ALDH1L2: variants seen among roughly 807,000 people sequenced by gnomAD.
ALDH1L2 encodes the protein aldehyde dehydrogenase 1 family member L2.
In ALDH1L2, 91 loss-of-function variants were observed where a neutral mutation model predicts 111.0. The observed-to-expected ratio is 0.82, with a 90% CI of 0.69 to 0.98. ALDH1L2 has a LOEUF of 0.98. ALDH1L2 is among the 50% of genes least tolerant of loss of function. The probability of loss-of-function intolerance (pLI) is 0.00; values close to 1 mark genes in which losing one functional copy is unlikely to be tolerated. For missense variants in ALDH1L2, 995 were observed against 1,126.8 expected (o/e 0.88, Z 1.67); for synonymous variants, 374 against 392.6 (o/e 0.95, Z 0.56).
chr12:105,045,621 GA>G (rs1875795624), intron 15 of ALDH1L2, among the ~76,000 whole-genome samples: 2 of 152,084 alleles, frequency 1.3e-5, no homozygotes, highest in East Asian at 3.9e-4. Context: ...AATAATGATA[GA>G]AGGGAGACAT....
At chr12:105,058,241 C>T (rs199983053) in intron 9 of ALDH1L2, 21 bp from the exon 10 acceptor site, 62 of 1,582,952 alleles carry the variant, frequency 3.9e-5, no homozygotes, top group Middle Eastern at 3.4e-4. Context: ...AAACCAGCTT[C>T]GCGTTACTTA....
rs372656484 is a variant in ALDH1L2, at chr12:105,061,736, AG to A, written c.937del (p.Leu313CysfsTer8). On this transcript the variant is annotated frameshift_variant, in exon 8 of 23. Transcript: ENST00000258494. LOFTEE classifies it high-confidence loss of function. ...GATCATTTTTCCATCTTCAAACTGC[AG>A]ATTTCTCACCGTCAGCTACAAAATA... is the stretch of plus-strand genomic sequence containing the variant. The part of the protein sequence containing the change: ...NDGKALTVRN[L>X]QFEDGKMIPA... 6 of 1,614,204 alleles carry A rather than the reference AG, an allele frequency of 3.7e-6. No homozygotes were observed. In the East Asian group the frequency reaches 1.1e-4, roughly 30 times the overall value.
intron 2 of ALDH1L2, among the ~76,000 whole-genome samples, chr12:105,071,360 C>T (rs890739722): frequency 6.6e-6 from 1 of 151,680 alleles, no homozygotes; most frequent in Non-Finnish European, 1.5e-5. Context: ...AGGTGAGAGG[C>T]CAAGGAGAAT....
intron 1 of ALDH1L2, 113 bp downstream of exon 1, chr12:105,084,276 C>A: frequency 8.2e-7 from 1 of 1,221,070 alleles, no homozygotes. Context: ...TGGTGTTTAG[C>A]AAAGTCTAAG....
intron 1 of ALDH1L2, among the ~76,000 whole-genome samples, chr12:105,083,901 T>C (rs1288699201): frequency 6.6e-6 from 1 of 152,202 alleles, no homozygotes; most frequent in Non-Finnish European, 1.5e-5. Context: ...AGTGCCATTA[T>C]CTGAACCGGC....
intron 13 of ALDH1L2, among the ~76,000 whole-genome samples, chr12:105,048,996 C>CTCCA (rs1267156953): frequency 1.7e-4 from 26 of 152,052 alleles, no homozygotes; most frequent in Non-Finnish European, 2.6e-4. Flanking sequence ...CGCCACTGCA[C>CTCCA]TCCAGCCTGG....
At chr12:105,081,873 T>C (rs1268155302) in intron 1 of ALDH1L2, among the ~76,000 whole-genome samples, 1 of 152,222 alleles carries the variant, frequency 6.6e-6, no homozygotes, top group Non-Finnish European at 1.5e-5. Flanking sequence ...CTTAAAAGCA[T>C]TGTTTGATTT....
chr12:105,061,833 G>A, intron 7 of ALDH1L2, 81 bp from the exon 8 acceptor site: 1 of 1,535,708 alleles, frequency 6.5e-7, no homozygotes, highest in Non-Finnish European at 8.9e-7. Flanking sequence ...GAGTCCTATA[G>A]ATTATATGCA....
In ALDH1L2 at chr12:105,082,055, A is replaced by ATGGT. The variant is rs560928232; in HGVS notation, c.48+2330_48+2333dup. On this transcript the variant is annotated intron_variant, in intron 1 of 22. Coordinates refer to ENST00000258494, the MANE Select transcript of ALDH1L2 (RefSeq NM_001034173.4). The stretch of plus-strand genomic sequence containing the variant: ...CTAAAAATACAAAAATTAGCTGGGC[A>ATGGT]TGGTGGTGCATGTCTGTAATCCCAG... 4.0e-3 allele frequency among the ~76,000 whole-genome samples: 611 copies of ATGGT among 152,250 alleles called. 7 individuals are homozygous for ATGGT. The highest frequency in any genetic ancestry group is 0.014 in the African/African-American group (571 of 41,534).
intron 15 of ALDH1L2, among the ~76,000 whole-genome samples, chr12:105,044,034 A>G (rs1260213032): frequency 2.6e-5 from 4 of 152,266 alleles, no homozygotes; most frequent in South Asian, 2.1e-4. Flanking sequence ...GCATCACTGC[A>G]TAATATTATC....
In ALDH1L2 at chr12:105,040,710, C is replaced by G; in HGVS notation, c.1864-16G>C. ...AGGGCGTGACCTGAGGAGAAGCAAA[C>G]AGCAATTACCTTCTTCAGGCCCTAA... On this transcript the variant is annotated splice_polypyrimidine_tract_variant and intron_variant, in intron 15 of 22. Transcript: ENST00000258494. The G allele has an allele frequency of 6.2e-7, 1 of 1,612,254 alleles. No individual in the cohort carries two copies. Among genetic ancestry groups the G allele is most frequent in the Non-Finnish European group, 8.5e-7 (1 of 1,178,332 alleles).
intron 1 of ALDH1L2, among the ~76,000 whole-genome samples, chr12:105,077,452 T>C (rs1013718097): frequency 6.6e-6 from 1 of 151,368 alleles, no homozygotes; most frequent in Non-Finnish European, 1.5e-5. Flanking sequence ...TTTTTTTTTT[T>C]AATTTTAGTA....
chr12:105,049,022 T>A (rs1217344220), intron 13 of ALDH1L2, among the ~76,000 whole-genome samples: 1 of 150,808 alleles, frequency 6.6e-6, no homozygotes, highest in Non-Finnish European at 1.5e-5. Context: ...AGAGCAAGAC[T>A]CCATCTCAAA....
chr12:105,036,056 T>TTA (rs376649372), intron 18 of ALDH1L2, among the ~76,000 whole-genome samples: 1 of 59,266 alleles, frequency 1.7e-5, no homozygotes, highest in Non-Finnish European at 2.5e-5. Flanking sequence ...TGTATATATA[T>TTA]TATATATATA....
At chr12:105,026,436 G>T in intron 22 of ALDH1L2, 109 bp downstream of exon 22, 1 of 1,267,504 alleles carries the variant, frequency 7.9e-7, no homozygotes, top group Non-Finnish European at 1.1e-6. Context: ...AGATATAACT[G>T]CCATGTAGGA....
chr12:105,025,553 G>A (rs763546959), intron 22 of ALDH1L2, among the ~76,000 whole-genome samples: 2 of 152,260 alleles, frequency 1.3e-5, no homozygotes, highest in South Asian at 2.1e-4. Context: ...GAAAAGTTGG[G>A]GGGGAAGCCC....
chr12:105,066,520 A>C, intron 5 of ALDH1L2, 48 bp downstream of exon 5: 2 of 1,537,168 alleles, frequency 1.3e-6, no homozygotes, highest in East Asian at 2.3e-5. Context: ...ACTGAAGGGT[A>C]GAGGGCCATG....
intron 22 of ALDH1L2, 131 bp downstream of exon 22, chr12:105,026,414 C>T (rs945008316): frequency 2.1e-6 from 2 of 969,080 alleles, no homozygotes; most frequent in African/African-American, 3.3e-5. Flanking sequence ...AAACGAATGC[C>T]CTTCTAAACC....
At chr12:105,082,271 A>AACACACAGTCACGTAACCACTACCAT (rs1197075704) in intron 1 of ALDH1L2, among the ~76,000 whole-genome samples, 4 of 152,210 alleles carry the variant, frequency 2.6e-5, no homozygotes, top group Non-Finnish European at 5.9e-5. Context: ...AGTTTTAACA[A>AACACACAGTCACGTAACCACTACCAT]ACACACAGTC....
Sources: allele counts gnomAD v4.1 joint callset (sites outside exome capture counted in the v4.1 genomes callset), GRCh38; gene constraint gnomAD v4.1.1; transcripts MANE v1.5; gene names NCBI Gene and HGNC (gene_info 2026-07-23, HGNC 2026-07-21).